SMOC2: variants seen among roughly 807,000 people sequenced by gnomAD.
The protein encoded by SMOC2 is SPARC related modular calcium binding 2, also known as SPARC-related modular calcium-binding protein 2.
SMOC2 carries 39 observed loss-of-function variants against 61.4 expected under a neutral mutation model. The observed-to-expected ratio is 0.64, with a 90% CI of 0.49 to 0.83. The LOEUF is 0.83. Ranked by LOEUF, SMOC2 falls within the 40% of genes least tolerant of loss-of-function variation. The pLI, the probability that SMOC2 is intolerant of heterozygous loss-of-function variation, is 0.00. For missense variants in SMOC2, 556 were observed against 592.9 expected, an observed-to-expected ratio of 0.94 and a Z score of 0.65; for synonymous variants, 247 against 239.9, an observed-to-expected ratio of 1.03 and a Z score of -0.27.
At chr6:168,620,243 C>T (rs574931064) in intron 9 of SMOC2, among the ~76,000 whole-genome samples, 15 of 152,220 alleles carry the variant, frequency 9.9e-5, no homozygotes, top group Non-Finnish European at 1.3e-4. Context: ...TTAAACCCAA[C>T]GCTGGCAGAA....
At chr6:168,573,304 C>T (rs1341458571) in intron 7 of SMOC2, among the ~76,000 whole-genome samples, 1 of 82,208 alleles carries the variant, frequency 1.2e-5, no homozygotes, top group Admixed American at 1.0e-4. Context: ...CCCGCATCCC[C>T]GGGTGCCGGG....
At chr6:168,655,993 C>G (rs1787313626) in intron 11 of SMOC2, among the ~76,000 whole-genome samples, 1 of 152,174 alleles carries the variant, frequency 6.6e-6, no homozygotes, top group South Asian at 2.1e-4. Context: ...TGTACTGGAT[C>G]CCACTGCACA....
chr6:168,631,596 G>T (rs918264896), intron 9 of SMOC2, among the ~76,000 whole-genome samples: 2 of 152,208 alleles, frequency 1.3e-5, no homozygotes, highest in African/African-American at 4.8e-5. Flanking sequence ...AACAGTACGT[G>T]CTTGGGAAAA....
At chr6:168,597,889 C>A (rs6941102) in intron 7 of SMOC2, among the ~76,000 whole-genome samples, 57,397 of 152,174 alleles carry the variant, frequency 0.38, 11,100 homozygotes, top group Middle Eastern at 0.48. Context: ...CTCAGGTATT[C>A]CTGGCTTAAC....
intron 2 of SMOC2, among the ~76,000 whole-genome samples, chr6:168,510,332 C>T (rs1198313447): frequency 6.6e-6 from 1 of 152,102 alleles, no homozygotes; most frequent in Non-Finnish European, 1.5e-5. Flanking sequence ...CCAAATATTT[C>T]AGTTTTTTTC....
In SMOC2 at chr6:168,640,429, C is replaced by A. The variant is rs6911582; in HGVS notation, c.908-10252C>A. Among the ~76,000 whole-genome samples the A allele has an allele frequency of 6.9e-3, 1,052 of 152,214 alleles. 15 individuals are homozygous for A. Among genetic ancestry groups the A allele is most frequent in the African/African-American group, 0.024 (1,013 of 41,542 alleles). On this transcript the variant is annotated intron_variant, in intron 9 of 12. Coordinates refer to ENST00000356284, the MANE Select transcript of SMOC2 (RefSeq NM_001166412.2). ...TGCAGACGCTGAGGGGCCCAGGCAG[C>A]CAGGCACCAACCCCAGAGCTCACAC...
intron 9 of SMOC2, among the ~76,000 whole-genome samples, chr6:168,611,188 G>C (rs1306117175): frequency 2.6e-5 from 4 of 152,078 alleles, no homozygotes; most frequent in African/African-American, 9.7e-5. Flanking sequence ...TGGTGTGTCT[G>C]TTGGGCCCTA....
At chr6:168,649,928 T>C (rs6931540) in intron 9 of SMOC2, among the ~76,000 whole-genome samples, 143,742 of 152,258 alleles carry the variant, frequency 0.94, 68,115 homozygotes, top group African/African-American at 0.99. Context: ...AGAAAGTGGA[T>C]GGCTTCTTTC....
At chr6:168,647,398 C>T (rs919008459) in intron 9 of SMOC2, among the ~76,000 whole-genome samples, 5 of 152,198 alleles carry the variant, frequency 3.3e-5, no homozygotes, top group African/African-American at 1.2e-4. Flanking sequence ...GCCTGAATCA[C>T]ACACCACAAA....
chr6:168,617,548 C>G (rs569421126), intron 9 of SMOC2, among the ~76,000 whole-genome samples: 67 of 152,344 alleles, frequency 4.4e-4, no homozygotes, highest in African/African-American at 1.5e-3. Flanking sequence ...GGGCACTCCA[C>G]TCTTGTCCCG....
At chr6:168,498,736 CA>C (rs1172647835) in intron 1 of SMOC2, among the ~76,000 whole-genome samples, 3 of 121,570 alleles carry the variant, frequency 2.5e-5, no homozygotes, top group Non-Finnish European at 6.0e-5. Flanking sequence ...GGGGGATGGC[CA>C]GGGCCCATAG....
At chr6:168,520,361 T>G in intron 2 of SMOC2, among the ~76,000 whole-genome samples, 1 of 152,194 alleles carries the variant, frequency 6.6e-6, no homozygotes, top group African/African-American at 2.4e-5. Context: ...GGGCTATCAT[T>G]GCCGTGGCCA....
chr6:168,625,287 G>A (rs1057108687), intron 9 of SMOC2, among the ~76,000 whole-genome samples: 8 of 152,300 alleles, frequency 5.3e-5, no homozygotes, highest in Middle Eastern at 3.4e-3. Context: ...GGATCGCAGC[G>A]CTGCAGAGTC....
chr6:168,580,908 C>G (rs1219704816), intron 7 of SMOC2, among the ~76,000 whole-genome samples: 1 of 152,142 alleles, frequency 6.6e-6, no homozygotes, highest in East Asian at 1.9e-4. Flanking sequence ...GGACAGCATG[C>G]AGAGCACCTA....
At chr6:168,563,200 G>A (rs2115128985) in intron 7 of SMOC2, among the ~76,000 whole-genome samples, 1 of 152,288 alleles carries the variant, frequency 6.6e-6, no homozygotes, top group South Asian at 2.1e-4. Flanking sequence ...CTGATCACTT[G>A]TTCACTTTTC....
chr6:168,647,087 A>T (rs536805287), intron 9 of SMOC2, among the ~76,000 whole-genome samples: 35 of 152,296 alleles, frequency 2.3e-4, no homozygotes, highest in African/African-American at 7.5e-4. Flanking sequence ...GGGAGTGTGT[A>T]TGGGGTAGCA....
intron 4 of SMOC2, among the ~76,000 whole-genome samples, chr6:168,529,568 C>T (rs907019130): frequency 2.0e-5 from 3 of 152,112 alleles, no homozygotes; most frequent in Admixed American, 6.5e-5. Context: ...TTCCAGGCTT[C>T]CCCTCCGCAC....
chr6:168,556,332 G>T (rs1047341928), intron 7 of SMOC2, among the ~76,000 whole-genome samples: 2 of 152,194 alleles, frequency 1.3e-5, no homozygotes, highest in Admixed American at 1.3e-4. Context: ...TGGGGTGCGG[G>T]AGCAGCCTTG....
chr6:168,469,503 G>T (rs905650326), intron 1 of SMOC2, among the ~76,000 whole-genome samples: 8 of 152,208 alleles, frequency 5.3e-5, no homozygotes, highest in Non-Finnish European at 1.2e-4. Flanking sequence ...CAGAGGGTCA[G>T]GGTTTGAATA....
Sources: allele counts gnomAD v4.1 joint callset (sites outside exome capture counted in the v4.1 genomes callset), GRCh38; gene constraint gnomAD v4.1.1; transcripts MANE v1.5; gene names NCBI Gene and HGNC (gene_info 2026-07-23, HGNC 2026-07-21).